Variants in TBC1D15 observed in about 807,000 individuals in gnomAD.
TBC1D15 encodes TBC1 domain family member 15.
In TBC1D15, 39 loss-of-function variants were observed where a neutral mutation model predicts 95.4. The observed-to-expected ratio is 0.41, with a 90% CI of 0.32 to 0.53. The LOEUF (loss-of-function observed/expected upper bound fraction) is 0.53. Among genes scored for constraint, TBC1D15 ranks in the 20% least tolerant of loss-of-function variants. TBC1D15 has a pLI of 0.29. For synonymous variants in TBC1D15, 258 were observed against 261.3 expected, an observed-to-expected ratio of 0.99 and a Z score of 0.12; for missense variants, 733 against 794.3, an observed-to-expected ratio of 0.92 and a Z score of 0.93.
intron 1 of TBC1D15, among the ~76,000 whole-genome samples, chr12:71,851,899 T>C (rs775806846): frequency 2.0e-5 from 3 of 152,130 alleles, no homozygotes; most frequent in Non-Finnish European, 2.9e-5. Flanking sequence ...GATTTATCAT[T>C]CTGGGGCCTG....
At chr12:71,880,377 A>C (rs1428157572) in intron 3 of TBC1D15, 92 bp from the exon 4 acceptor site, 3 of 1,101,128 alleles carry the variant, frequency 2.7e-6, no homozygotes, top group Admixed American at 5.3e-5. Flanking sequence ...TGTCGTCTGC[A>C]GCCTGCCTAC....
chr12:71,866,350 C>T (rs1189706320), intron 1 of TBC1D15, among the ~76,000 whole-genome samples: 4 of 152,210 alleles, frequency 2.6e-5, no homozygotes, highest in African/African-American at 9.7e-5. Context: ...CGAGGCAGCT[C>T]CCTCAGCTGG....
At chr12:71,918,676 T>A (rs1868266277) in intron 14 of TBC1D15, 128 bp downstream of exon 14, 1 of 579,102 alleles carries the variant, frequency 1.7e-6, no homozygotes. Flanking sequence ...AAAATTCTGA[T>A]GAACTGGTAG....
At chr12:71,904,444 G>C (rs1473833284) in intron 10 of TBC1D15, among the ~76,000 whole-genome samples, 1 of 152,096 alleles carries the variant, frequency 6.6e-6, no homozygotes, top group East Asian at 1.9e-4. Flanking sequence ...GGGAAAAGTA[G>C]GATTAAGAAA....
In TBC1D15 at chr12:71,894,786, A is replaced by G; in HGVS notation, c.758A>G (p.Gln253Arg). 1 of 1,613,390 alleles carries G rather than the reference A, an allele frequency of 6.2e-7. No homozygotes were observed. Among genetic ancestry groups the G allele is most frequent in the Non-Finnish European group, 8.5e-7 (1 of 1,179,458 alleles). Reference sequence around the variant, plus strand: ...AGAGGCAGCGATCCCTCTACACATCAACGACCACCTTCAGAAATGGCAGAT... The same window carrying G: ...AGAGGCAGCGATCCCTCTACACATCGACGACCACCTTCAGAAATGGCAGAT... The part of the protein sequence containing the change: ...SLRGSDPSTH[Q>R]RPPSEMADFL... The change falls in exon 7 of 17, where the codon CAA (glutamine) becomes CGA (arginine). Residue 253 changes from glutamine to arginine, a missense_variant. Coordinates refer to ENST00000485960, the MANE Select transcript of TBC1D15 (RefSeq NM_001146213.3).
intron 1 of TBC1D15, among the ~76,000 whole-genome samples, chr12:71,854,313 G>A (rs1180194106): frequency 6.6e-6 from 1 of 152,088 alleles, no homozygotes; most frequent in Non-Finnish European, 1.5e-5. Context: ...AATCCAGCCT[G>A]TCATTCCATC....
At chr12:71,905,021 GT>G (rs1266426632) in intron 10 of TBC1D15, among the ~76,000 whole-genome samples, 2 of 152,054 alleles carry the variant, frequency 1.3e-5, no homozygotes, top group Non-Finnish European at 2.9e-5. Flanking sequence ...TTAATAAGAG[GT>G]TTTTGTTTTT....
At chr12:71,849,376 A>T in intron 1 of TBC1D15, 1 of 1,388,328 alleles carries the variant, frequency 7.2e-7, no homozygotes, top group Non-Finnish European at 1.0e-6. Context: ...GAATGAAAGC[A>T]GGCGCCTCCA....
At chr12:71,870,444 G>C (rs574761726) in intron 1 of TBC1D15, among the ~76,000 whole-genome samples, 98 of 152,076 alleles carry the variant, frequency 6.4e-4, no homozygotes, top group Non-Finnish European at 1.1e-3. Flanking sequence ...ATGCTTAACA[G>C]CTATTTCAGG....
intron 1 of TBC1D15, among the ~76,000 whole-genome samples, chr12:71,859,189 A>G (rs541101963): frequency 1.3e-5 from 2 of 152,066 alleles, no homozygotes; most frequent in South Asian, 4.1e-4. Context: ...AAGATTGAGG[A>G]TTGCAATCCA....
intron 12 of TBC1D15, among the ~76,000 whole-genome samples, chr12:71,917,383 G>A (rs1903963673): frequency 1.3e-5 from 2 of 152,176 alleles, no homozygotes; most frequent in Non-Finnish European, 2.9e-5. Context: ...TCCCAAATGT[G>A]TGTTTCTTTC....
chr12:71,897,997 A>T, intron 10 of TBC1D15, 56 bp downstream of exon 10: 1 of 1,323,346 alleles, frequency 7.6e-7, no homozygotes, highest in Non-Finnish European at 1.1e-6. Context: ...TGAAATCTTG[A>T]TAAGAGTAAA....
At chr12:71,917,650 A>G (rs1438069955) in intron 12 of TBC1D15, 48 bp from the exon 13 acceptor site, 1 of 1,273,120 alleles carries the variant, frequency 7.9e-7, no homozygotes, top group East Asian at 2.5e-5. Flanking sequence ...ATTATGTACT[A>G]TAAAATATTT....
chr12:71,906,913 G>T (rs1900862514), intron 10 of TBC1D15, 109 bp from the exon 11 acceptor site: 2 of 531,310 alleles, frequency 3.8e-6, no homozygotes, highest in Non-Finnish European at 6.4e-6. Flanking sequence ...GTAAAGCTTG[G>T]TGAGTGAAAT....
intron 1 of TBC1D15, among the ~76,000 whole-genome samples, chr12:71,855,620 A>G (rs370323048): frequency 9.0e-5 from 13 of 145,116 alleles, no homozygotes; most frequent in African/African-American, 2.6e-4. Flanking sequence ...GTGAGCCAAG[A>G]TCGCACCACT....
intron 11 of TBC1D15, among the ~76,000 whole-genome samples, chr12:71,908,707 A>T (rs1238055956): frequency 6.6e-6 from 1 of 152,164 alleles, no homozygotes. Context: ...TGTTGCAAGA[A>T]TATTAATAGA....
chr12:71,882,847 G>T (rs1895484632), intron 4 of TBC1D15, among the ~76,000 whole-genome samples: 1 of 152,024 alleles, frequency 6.6e-6, no homozygotes. Context: ...ATTTGTCAGG[G>T]CTTTAAATTT....
intron 11 of TBC1D15, among the ~76,000 whole-genome samples, chr12:71,910,924 C>T (rs1404186176): frequency 6.6e-6 from 1 of 152,010 alleles, no homozygotes; most frequent in Non-Finnish European, 1.5e-5. Context: ...AACAAATTTA[C>T]AAGAAAAAAC....
In TBC1D15 at chr12:71,907,116, C is replaced by CTG; in HGVS notation, c.1280_1281dup (p.Met428ValfsTer7). On this transcript the variant is annotated frameshift_variant, in exon 11 of 17. Transcript: ENST00000485960. LOFTEE classifies it high-confidence loss of function. ...TACTTCATGACATTTTGATGACCTA[C>CTG]TGTATGTATGATTTTGATTTAGGTA... The CTG allele has an allele frequency of 6.2e-7, 1 of 1,602,574 alleles. No individual in the cohort carries two copies. Among genetic ancestry groups the CTG allele is most frequent in the Non-Finnish European group, 8.5e-7 (1 of 1,172,608 alleles).
Sources: allele counts gnomAD v4.1 joint callset (sites outside exome capture counted in the v4.1 genomes callset), GRCh38; gene constraint gnomAD v4.1.1; transcripts MANE v1.5; gene names NCBI Gene and HGNC (gene_info 2026-07-23, HGNC 2026-07-21).